ZNF616: variants seen among roughly 807,000 people sequenced by gnomAD.
ZNF616 encodes zinc finger protein 616.
Under a neutral mutation model 7.6 loss-of-function variants are expected in ZNF616, and 5 were observed. The ratio of observed to expected loss-of-function variants is 0.66; its 90% CI spans 0.34 to 1.38. The LOEUF (loss-of-function observed/expected upper bound fraction) is 1.38, where lower values mean the gene tolerates loss of function less well. Among genes scored for constraint, ZNF616 ranks in the 40% most tolerant of loss-of-function variants. The pLI is 0.04. For synonymous variants in ZNF616, 319 were observed against 317.2 expected (o/e 1.01, Z -0.06); for missense variants, 913 against 948.3 (o/e 0.96, Z 0.49).
At position 52,113,706 on chromosome 19, in the gene ZNF616, T is replaced by C. The variant is rs575529206; in HGVS notation, c.*1112A>G. On this transcript the variant is annotated 3_prime_UTR_variant, in exon 4 of 4. Coordinates refer to ENST00000600228, the MANE Select transcript of ZNF616 (RefSeq NM_178523.5). ...CAGCTTCCACTTTTAAGTGAGAACA[T>C]GTGCTGTTTGATTTTCTGTTCCTGT... 7.9e-5 allele frequency: 12 copies of C among 152,282 alleles called. No homozygotes were observed. The highest frequency in any genetic ancestry group is 1.3e-4 in the Non-Finnish European group (9 of 68,040). The allele number at this position is 152,282 out of a possible 1,614,324, so 9.4% of individuals were successfully genotyped here.
At chr19:52,137,480 T>C (rs1265996752) in intron 1 of ZNF616, among the ~76,000 whole-genome samples, 1 of 152,060 alleles carries the variant, frequency 6.6e-6, no homozygotes. Context: ...TCCAACAACA[T>C]GGATGAATCT....
chr19:52,117,789 A>G (rs2088837737), intron 3 of ZNF616, among the ~76,000 whole-genome samples: 1 of 152,198 alleles, frequency 6.6e-6, no homozygotes, highest in East Asian at 1.9e-4. Flanking sequence ...AACACAGCTG[A>G]TCTCAGAAGC....
chr19:52,133,533 G>A lies in ZNF616; in HGVS notation c.-76-2945C>T, dbSNP rs560393415. Among the ~76,000 whole-genome samples the A allele has an allele frequency of 1.3e-3, 191 of 152,224 alleles. 2 individuals carry two copies. Among genetic ancestry groups the A allele is most frequent in the African/African-American group, 4.3e-3 (180 of 41,526 alleles). On this transcript the variant is annotated intron_variant, in intron 1 of 3. Transcript: ENST00000600228. ...TCATCACCTGGGTTTTTGTGTGTGT[G>A]TGTGAGACAGAGTCTCGCTCTGTCG...
At chr19:52,119,542 T>C (rs1036954219) in intron 3 of ZNF616, among the ~76,000 whole-genome samples, 1 of 151,952 alleles carries the variant, frequency 6.6e-6, no homozygotes, top group Non-Finnish European at 1.5e-5. Flanking sequence ...AAAGTACTAT[T>C]TTAGGAAAGG....
chr19:52,123,821 G>A lies in ZNF616; in HGVS notation c.139+102C>T, dbSNP rs1250892536. 4 of 1,425,786 alleles carry A rather than the reference G, an allele frequency of 2.8e-6. No homozygotes were observed. In the East Asian group the frequency reaches 9.2e-5, roughly 33 times the overall value. The allele number at this position is 1,425,786 out of a possible 1,614,324, so 88.3% of individuals were successfully genotyped here. On this transcript the variant is annotated intron_variant, in intron 3 of 3. Coordinates refer to ENST00000600228, the MANE Select transcript of ZNF616 (RefSeq NM_178523.5). ...AGCTTTTTATTTTTGAACCAATAAGGCTTCAGTCTCAAATAACGGAGGGGT... is the reference window on the plus strand; with the variant it reads ...AGCTTTTTATTTTTGAACCAATAAGACTTCAGTCTCAAATAACGGAGGGGT...
At chr19:52,133,092 A>C (rs986637782) in intron 1 of ZNF616, among the ~76,000 whole-genome samples, 2 of 152,248 alleles carry the variant, frequency 1.3e-5, no homozygotes, top group Non-Finnish European at 2.9e-5. Flanking sequence ...TCTGAAAAAT[A>C]AAGTTATCAG....
At chr19:52,128,302 T>G (rs974872521) in intron 2 of ZNF616, among the ~76,000 whole-genome samples, 1 of 152,218 alleles carries the variant, frequency 6.6e-6, no homozygotes, top group South Asian at 2.1e-4. Flanking sequence ...GGAGGTTTCA[T>G]TATTTTGTGG....
chr19:52,125,320 G>A (rs73934986), intron 2 of ZNF616, among the ~76,000 whole-genome samples: 3 of 152,128 alleles, frequency 2.0e-5, no homozygotes, highest in African/African-American at 4.8e-5. Flanking sequence ...AGCTGTGAAC[G>A]TGTGAAATCA....
At chr19:52,126,348 T>C (rs1343405062) in intron 2 of ZNF616, among the ~76,000 whole-genome samples, 1 of 152,106 alleles carries the variant, frequency 6.6e-6, no homozygotes, top group Non-Finnish European at 1.5e-5. Flanking sequence ...GCCAACATTA[T>C]GAAACCCCAT....
intron 1 of ZNF616, chr19:52,138,328 C>T (rs2089030883): frequency 6.6e-6 from 1 of 152,162 alleles, no homozygotes; most frequent in Admixed American, 6.5e-5. Flanking sequence ...TAAACAAATA[C>T]AAAATGCACA....
Position 52,116,613 on chromosome 19 carries a change from G to T in ZNF616, c.551C>A (p.Thr184Lys). The T allele has an allele frequency of 6.2e-7, 1 of 1,614,012 alleles. No homozygotes were observed. Among genetic ancestry groups the T allele is most frequent in the Non-Finnish European group, 8.5e-7 (1 of 1,179,982 alleles). ...TTTGCCACATTCATTACATACATAC[G>T]TTTTTTCCCTAATGTGTGGAGAAAC... ...CLVSPHIREK[T>K]YVCNECGKAF... The change falls in exon 4 of 4, where the codon ACG becomes AAG. Residue 184 changes from threonine to lysine, a missense_variant. Transcript: ENST00000600228.
At chr19:52,125,670 G>C (rs539099929) in intron 2 of ZNF616, among the ~76,000 whole-genome samples, 2 of 152,252 alleles carry the variant, frequency 1.3e-5, no homozygotes, top group East Asian at 1.9e-4. Flanking sequence ...TCTCAGGCGT[G>C]GTCCTGCTTC....
chr19:52,118,314 T>C (rs904703489), intron 3 of ZNF616, among the ~76,000 whole-genome samples: 1 of 152,162 alleles, frequency 6.6e-6, no homozygotes, highest in African/African-American at 2.4e-5. Context: ...AGATTTCTAC[T>C]TGAAAAGCAT....
At chr19:52,127,117 C>T (rs544238475) in intron 2 of ZNF616, among the ~76,000 whole-genome samples, 10 of 152,004 alleles carry the variant, frequency 6.6e-5, no homozygotes, top group Admixed American at 6.5e-5. Context: ...TGCAGTGGCA[C>T]GATCTCAGCT....
Position 52,115,211 on chromosome 19 carries a change from A to G in ZNF616, c.1953T>C (p.His651=), listed in dbSNP as rs1218630981. The G allele has an allele frequency of 2.5e-6, 4 of 1,614,192 alleles. No homozygotes were observed. In the South Asian group the frequency reaches 4.4e-5, roughly 18 times the overall value. Residue 651 remains histidine, a synonymous_variant, in exon 4 of 4, where the codon CAT becomes CAC. Coordinates refer to ENST00000600228, the MANE Select transcript of ZNF616 (RefSeq NM_178523.5). ...GTCTGTCTCCAGTATGAACAGTCTG[A>G]TGAAGTCTAAGATGGACACGCTGAC... The part of the protein sequence containing the change: ...SFSQRVHLRL[H]QTVHTGDRPY...
intron 3 of ZNF616, among the ~76,000 whole-genome samples, chr19:52,118,964 G>T (rs1402668797): frequency 6.6e-6 from 1 of 151,988 alleles, no homozygotes; most frequent in Non-Finnish European, 1.5e-5. Flanking sequence ...TTCAAAAACT[G>T]CCCAAGCAGG....
intron 3 of ZNF616, chr19:52,122,187 T>C (rs907114826): frequency 6.6e-6 from 1 of 152,004 alleles, no homozygotes; most frequent in Non-Finnish European, 1.5e-5. Flanking sequence ...ATGTGTCTGA[T>C]ATAACAAGTA....
chr19:52,126,409 T>C (rs923309259), intron 2 of ZNF616, among the ~76,000 whole-genome samples: 2 of 151,938 alleles, frequency 1.3e-5, no homozygotes, highest in Non-Finnish European at 2.9e-5. Flanking sequence ...ATGCCTGTAA[T>C]CTGAGGCTGA....
At chr19:52,123,675 A>G (rs2088881332) in intron 3 of ZNF616, among the ~76,000 whole-genome samples, 1 of 152,166 alleles carries the variant, frequency 6.6e-6, no homozygotes, top group South Asian at 2.1e-4. Context: ...GGAATTGGAT[A>G]TTTTAACTCT....
Sources: allele counts gnomAD v4.1 joint callset (sites outside exome capture counted in the v4.1 genomes callset), GRCh38; gene constraint gnomAD v4.1.1; transcripts MANE v1.5; gene names NCBI Gene and HGNC (gene_info 2026-07-23, HGNC 2026-07-21).